Variants in GUF1 observed in about 807,000 individuals in gnomAD.
The protein encoded by GUF1 is translation factor GUF1, mitochondrial.
In GUF1, 78 loss-of-function variants were observed where a neutral mutation model predicts 82.4. That is an observed-to-expected ratio of 0.95 (90% CI 0.79 to 1.14). The LOEUF (loss-of-function observed/expected upper bound fraction) is 1.14, where lower values mean the gene tolerates loss of function less well. Among genes scored for constraint, GUF1 ranks in the 50% most tolerant of loss-of-function variants. GUF1 has a pLI of 0.00. For synonymous variants in GUF1, 279 were observed against 282.3 expected, an observed-to-expected ratio of 0.99 and a Z score of 0.12; for missense variants, 814 against 798.2, an observed-to-expected ratio of 1.02 and a Z score of -0.24.
Position 44,694,395 on chromosome 4 carries a change from G to T in GUF1, c.1614-17G>T, listed in dbSNP as rs932004226. The T allele has an allele frequency of 6.7e-7, 1 of 1,497,388 alleles. No individual in the cohort carries two copies. 92.8% of individuals were successfully genotyped at this position (1,497,388 alleles called of 1,614,324 possible). ...CAGGAAGTGTAATATTTATCACTTG[G>T]ACTTTTTTCCTTTTAGTTTTGATTA... On this transcript the variant is annotated splice_polypyrimidine_tract_variant and intron_variant, in intron 13 of 16. Transcript: ENST00000281543.
chr4:44,682,486 TATTC>T (rs1214480270), intron 5 of GUF1, 75 bp downstream of exon 5: 11 of 740,818 alleles, frequency 1.5e-5, no homozygotes, highest in Non-Finnish European at 2.3e-5. Context: ...TCAGTTGTAC[TATTC>T]ATTATATGAG....
rs752776183 is a variant in GUF1, at chr4:44,694,400, T to C, written c.1614-12T>C. 1.1e-5 allele frequency: 17 copies of C among 1,558,278 alleles called. No homozygotes were observed. The highest frequency in any genetic ancestry group is 5.4e-5 in the African/African-American group (4 of 73,800). ...AGTGTAATATTTATCACTTGGACTT[T>C]TTTCCTTTTAGTTTTGATTACGAAG... is the stretch of plus-strand genomic sequence containing the variant. On this transcript the variant is annotated splice_polypyrimidine_tract_variant and intron_variant, in intron 13 of 16. Coordinates refer to ENST00000281543, the MANE Select transcript of GUF1 (RefSeq NM_021927.3).
Position 44,689,946 on chromosome 4 carries a change from G to A in GUF1, c.1306G>A (p.Ala436Thr). ...ILTTPTVPYKAVLSSSKLIKE... is the reference protein window; with the variant it reads ...ILTTPTVPYKTVLSSSKLIKE... The stretch of plus-strand genomic sequence containing the variant: ...AACAACCCCTACTGTTCCATATAAA[G>A]CTGTACTGTCATCATCAAAATTGAT... Residue 436 changes from alanine (A) to threonine (T), a missense_variant, in exon 11 of 17, where the codon GCT (alanine) becomes ACT (threonine). Ala to Thr is a moderately conservative substitution (Grantham distance 58, BLOSUM62 0). Transcript: ENST00000281543. 6.3e-7 allele frequency: 1 copy of A among 1,594,016 alleles called. No homozygotes were observed. The highest frequency in any genetic ancestry group is 8.6e-7 in the Non-Finnish European group (1 of 1,167,156).
In GUF1 at chr4:44,678,474, G is replaced by A. The variant is rs1010020094; in HGVS notation, c.-149G>A. On this transcript the variant is annotated 5_prime_UTR_variant, in exon 1 of 17. Transcript: ENST00000281543. ...GGTTGCTTCCGGATCTGGTACTTGG[G>A]CAGAGCTCCCCGGGGTTCATTGTCT... 3 of 608,560 alleles carry A rather than the reference G, an allele frequency of 4.9e-6. No individual in the cohort carries two copies. The highest frequency in any genetic ancestry group is 7.5e-6 in the Non-Finnish European group (3 of 401,962). 37.7% of individuals were successfully genotyped at this position (608,560 alleles called of 1,614,324 possible).
At position 44,699,980 on chromosome 4, in the gene GUF1, T is replaced by C. The variant is rs1235648910; in HGVS notation, c.*1299T>C. Reference sequence around the variant, plus strand: ...GTAAATGGCTGTATTTCTCCAGAGCTCTCAGCTCCCATGTTTATTCAGCCA... The same window carrying C: ...GTAAATGGCTGTATTTCTCCAGAGCCCTCAGCTCCCATGTTTATTCAGCCA... On this transcript the variant is annotated 3_prime_UTR_variant, in exon 17 of 17. Coordinates refer to ENST00000281543, the MANE Select transcript of GUF1 (RefSeq NM_021927.3). 1 of 152,238 alleles carries C rather than the reference T, an allele frequency of 6.6e-6. No individual in the cohort carries two copies. The highest frequency in any genetic ancestry group is 1.5e-5 in the Non-Finnish European group (1 of 68,044). 9.4% of individuals were successfully genotyped at this position (152,238 alleles called of 1,614,324 possible).
chr4:44,692,406 T>TG (rs1385615594), intron 13 of GUF1, among the ~76,000 whole-genome samples: 1 of 151,200 alleles, frequency 6.6e-6, no homozygotes, highest in African/African-American at 2.4e-5. Flanking sequence ...AGAGGCTGTT[T>TG]TTTGTTGTTG....
rs1232359405 is a variant in GUF1 at position 44,678,730 on chromosome 4, T to C, written c.108T>C (p.Leu36=). 1.3e-6 allele frequency: 2 copies of C among 1,529,544 alleles called. No individual in the cohort carries two copies. The highest frequency in any genetic ancestry group is 3.4e-4 in the Middle Eastern group (2 of 5,844). 94.7% of individuals were successfully genotyped at this position (1,529,544 alleles called of 1,614,324 possible). The change falls in exon 1 of 17, where the codon CTT becomes CTC. Residue 36 remains leucine (L), a synonymous_variant. Coordinates refer to ENST00000281543, the MANE Select transcript of GUF1 (RefSeq NM_021927.3). ...VAPGPRSAPT[L]GAAPESWATD... ...CGGGGCCCCGGTCCGCGCCGACCCT[T>C]GGGGCTGCTCCAGAGTCCTGGGCTA...
chr4:44,689,522 G>A, intron 10 of GUF1, 113 bp downstream of exon 10: 1 of 1,159,560 alleles, frequency 8.6e-7, no homozygotes. Flanking sequence ...AGTAAGGGAG[G>A]TATAAAATGG....
intron 16 of GUF1, among the ~76,000 whole-genome samples, chr4:44,698,059 T>C (rs931576773): frequency 2.6e-5 from 4 of 152,122 alleles, no homozygotes; most frequent in African/African-American, 9.7e-5. Flanking sequence ...AGCATGAGAA[T>C]TGCTTGAGCT....
intron 16 of GUF1, 77 bp downstream of exon 16, chr4:44,697,521 T>G (rs1251787447): frequency 1.4e-6 from 1 of 720,570 alleles, no homozygotes. Context: ...ACTTATTGAT[T>G]TCCATTGTTG....
chr4:44,680,629 T>C, intron 2 of GUF1, 65 bp from the exon 3 acceptor site: 1 of 1,436,730 alleles, frequency 7.0e-7, no homozygotes, highest in South Asian at 1.4e-5. Flanking sequence ...ATTTTAATTT[T>C]ATAAGTAATA....
intron 8 of GUF1, among the ~76,000 whole-genome samples, 162 bp downstream of exon 8, chr4:44,686,875 A>G (rs534264212): frequency 3.4e-4 from 52 of 152,086 alleles, no homozygotes; most frequent in African/African-American, 1.2e-3. Context: ...TCTCATGGGA[A>G]GGACAATAGA....
At chr4:44,682,241 C>T (rs1338959309) in intron 4 of GUF1, 93 bp from the exon 5 acceptor site, 4 of 578,760 alleles carry the variant, frequency 6.9e-6, no homozygotes, top group Non-Finnish European at 1.2e-5. Context: ...CGCAAAATCT[C>T]TTGATGAAGA....
At chr4:44,688,270 G>T in intron 9 of GUF1, 124 bp downstream of exon 9, 1 of 926,914 alleles carries the variant, frequency 1.1e-6, no homozygotes, top group East Asian at 2.5e-5. Flanking sequence ...CCAGCATATT[G>T]TTTCACTTTG....
rs960593834 is a variant in GUF1 at position 44,688,077 on chromosome 4, T to C, written c.1009T>C (p.Leu337=). 3.8e-5 allele frequency: 61 copies of C among 1,612,348 alleles called. No homozygotes were observed. The highest frequency in any genetic ancestry group is 5.1e-5 in the Non-Finnish European group (60 of 1,178,810). Residue 337 remains leucine, a synonymous_variant, in exon 9 of 17, where the codon TTA becomes CTA. Transcript: ENST00000281543. ...CACTGAAGCGCAAATAGGAGATACA[T>C]TATGTTTACATAAGCAACCAGTGGA... The part of the protein sequence containing the change: ...DVTEAQIGDT[L]CLHKQPVEPL...
chr4:44,685,561 T>C lies in GUF1; in HGVS notation c.670-398T>C, dbSNP rs576001710. Among the ~76,000 whole-genome samples the C allele has an allele frequency of 7.2e-5, 11 of 152,190 alleles. No homozygotes were observed. In the South Asian group the frequency reaches 2.1e-3, roughly 29 times the overall value. ...TATGGTTTTATGCCATCCACATACA[T>C]TGTTTATCCACACAACAACCTTGAG... On this transcript the variant is annotated intron_variant, in intron 6 of 16. Coordinates refer to ENST00000281543, the MANE Select transcript of GUF1 (RefSeq NM_021927.3).
At chr4:44,680,628 T>C in intron 2 of GUF1, 66 bp from the exon 3 acceptor site, 3 of 1,434,036 alleles carry the variant, frequency 2.1e-6, no homozygotes, top group Non-Finnish European at 2.8e-6. Context: ...AATTTTAATT[T>C]TATAAGTAAT....
chr4:44,682,622 T>G, intron 5 of GUF1: 1 of 305,968 alleles, frequency 3.3e-6, no homozygotes, highest in Non-Finnish European at 6.0e-6. Context: ...TGAATTAACT[T>G]GTGGTAGCTG....
intron 2 of GUF1, 47 bp from the exon 3 acceptor site, chr4:44,680,647 T>C: frequency 6.9e-7 from 1 of 1,455,378 alleles, no homozygotes; most frequent in East Asian, 2.5e-5. Context: ...ATATTCTCTT[T>C]TTTTTTTAAA....
Sources: allele counts gnomAD v4.1 joint callset (sites outside exome capture counted in the v4.1 genomes callset), GRCh38; gene constraint gnomAD v4.1.1; transcripts MANE v1.5; gene names NCBI Gene and HGNC (gene_info 2026-07-23, HGNC 2026-07-21).